Variants in KIAA1958 observed in about 807,000 individuals in gnomAD.
The protein encoded by KIAA1958 is KIAA1958.
KIAA1958 carries 14 observed loss-of-function variants against 47.2 expected under a neutral mutation model. The ratio of observed to expected loss-of-function variants is 0.30; its 90% CI spans 0.20 to 0.46. The LOEUF (loss-of-function observed/expected upper bound fraction) is 0.46, where lower values mean the gene tolerates loss of function less well. Ranked by LOEUF, KIAA1958 falls within the 20% of genes least tolerant of loss-of-function variation. The pLI, the probability that KIAA1958 is intolerant of heterozygous loss-of-function variation, is 1.00. For synonymous variants in KIAA1958, 354 were observed against 353.3 expected (o/e 1.00, Z -0.02); for missense variants, 803 against 909.2 (o/e 0.88, Z 1.50).
chr9:112,535,128 C>T (rs1276009126), intron 1 of KIAA1958, among the ~76,000 whole-genome samples: 5 of 152,150 alleles, frequency 3.3e-5, no homozygotes, highest in African/African-American at 1.2e-4. Context: ...AATCTCTCGG[C>T]AGTTTTCAAG....
In KIAA1958 at chr9:112,646,057, A is replaced by G. The variant is rs533151276; in HGVS notation, c.1344+235A>G. Among the ~76,000 whole-genome samples the G allele has an allele frequency of 3.3e-5, 5 of 151,384 alleles. No homozygotes were observed. The East Asian group carries it at 9.7e-4, about 29-fold the overall frequency. On this transcript the variant is annotated intron_variant, in intron 3 of 3. Transcript: ENST00000337530. ...AGGGCTAAATTAATTTCAATTTGGT[A>G]AAACTGGAGAGAGAATTGATATTTA...
rs150881604 is a variant in KIAA1958, at chr9:112,571,993, C to T, written c.-24-2064C>T. On this transcript the variant is annotated intron_variant, in intron 1 of 3. Coordinates refer to ENST00000337530, the MANE Select transcript of KIAA1958 (RefSeq NM_133465.4). Reference sequence around the variant, plus strand: ...AGAGTATGAAGGAAATGTAAGATCACGTAGTCCTGGCATTGTAGGCTTAGA... The same window carrying T: ...AGAGTATGAAGGAAATGTAAGATCATGTAGTCCTGGCATTGTAGGCTTAGA... Among the ~76,000 whole-genome samples the T allele has an allele frequency of 3.7e-3, 549 of 150,374 alleles. 4 individuals are homozygous for T. The highest frequency in any genetic ancestry group is 0.013 in the African/African-American group (516 of 40,836).
Position 112,576,913 on chromosome 9 carries a change from C to T in KIAA1958, c.1171+1662C>T, listed in dbSNP as rs192844383. Among the ~76,000 whole-genome samples, 151 of 152,176 alleles carry T rather than the reference C, an allele frequency of 9.9e-4. 2 individuals carry two copies. The highest frequency in any genetic ancestry group is 9.9e-3 in the Admixed American group (151 of 15,280). On this transcript the variant is annotated intron_variant, in intron 2 of 3. Transcript: ENST00000337530. ...ACTTTGTATTTAACTTTTTGAGGAG[C>T]TGTCAAACTGTTTTCCCAAGCAGCT...
intron 2 of KIAA1958, among the ~76,000 whole-genome samples, chr9:112,609,372 G>A (rs113140016): frequency 0.017 from 2,647 of 152,190 alleles, 71 homozygotes; most frequent in African/African-American, 0.061. Context: ...TAAAATACTA[G>A]TATAGTTTAA....
Position 112,660,093 on chromosome 9 carries a change from G to A in KIAA1958, c.*24G>A. The A allele has an allele frequency of 6.2e-7, 1 of 1,601,758 alleles. No individual in the cohort carries two copies. The highest frequency in any genetic ancestry group is 8.5e-7 in the Non-Finnish European group (1 of 1,173,670). Reference sequence around the variant, plus strand: ...GAGCCCCCACTGGGGCCCGGCCACTGCCCTGTCACCTGCTCGGGCCAGCCA... The same window carrying A: ...GAGCCCCCACTGGGGCCCGGCCACTACCCTGTCACCTGCTCGGGCCAGCCA... On this transcript the variant is annotated 3_prime_UTR_variant, in exon 4 of 4. Transcript: ENST00000337530.
intron 1 of KIAA1958, among the ~76,000 whole-genome samples, chr9:112,558,528 G>A (rs1835279771): frequency 6.6e-6 from 1 of 152,088 alleles, no homozygotes; most frequent in Non-Finnish European, 1.5e-5. Flanking sequence ...TAGAATGAGT[G>A]GTATGGCCCC....
At position 112,618,636 on chromosome 9, in the gene KIAA1958, T is replaced by A; in HGVS notation, c.1172-27014T>A. On this transcript the variant is annotated intron_variant, in intron 2 of 3. Coordinates refer to ENST00000337530, the MANE Select transcript of KIAA1958 (RefSeq NM_133465.4). This position sits in a 1 kb window ranked among gnomAD's most constrained non-coding sequence, Gnocchi z 7.1. ...TTCTACTTATCCATCAAGCCAGTCG[T>A]GAACCTGGCGGCTCTGCATTGGTAC... is the stretch of plus-strand genomic sequence containing the variant. 3 of 1,550,714 alleles carry A rather than the reference T, an allele frequency of 1.9e-6. No individual in the cohort carries two copies. Among genetic ancestry groups the A allele is most frequent in the East Asian group, 2.4e-5 (1 of 40,926 alleles).
chr9:112,647,170 C>CA lies in KIAA1958; in HGVS notation c.1344+1360dup, dbSNP rs202239882. Among the ~76,000 whole-genome samples the CA allele has an allele frequency of 4.3e-3, 574 of 134,220 alleles. 1 individual carries two copies. Among genetic ancestry groups the CA allele is most frequent in the African/African-American group, 0.012 (454 of 36,686 alleles). 88.1% of individuals were successfully genotyped at this position (134,220 alleles called of 152,430 possible). A position where few individuals can be genotyped will look rare whatever the true frequency, so the allele number is the denominator to read the frequency against. The stretch of plus-strand genomic sequence containing the variant: ...GAAGACAGGGAAACATCCATGGGAC[C>CA]AAAAAAAAAAAAGTGCAACAGAAGC... On this transcript the variant is annotated intron_variant, in intron 3 of 3. Coordinates refer to ENST00000337530, the MANE Select transcript of KIAA1958 (RefSeq NM_133465.4).
chr9:112,613,627 A>G (rs1181477800), intron 2 of KIAA1958, among the ~76,000 whole-genome samples: 2 of 138,188 alleles, frequency 1.4e-5, no homozygotes, highest in Non-Finnish European at 3.2e-5. Flanking sequence ...CCTTCTACAA[A>G]CAGAAAAAAG....
At chr9:112,531,814 A>G (rs1393275386) in intron 1 of KIAA1958, among the ~76,000 whole-genome samples, 2 of 152,254 alleles carry the variant, frequency 1.3e-5, no homozygotes, top group African/African-American at 4.8e-5. Context: ...CACTTTATCC[A>G]CACGAATGGA....
intron 1 of KIAA1958, among the ~76,000 whole-genome samples, chr9:112,520,323 A>G (rs1834516751): frequency 1.3e-5 from 2 of 152,342 alleles, no homozygotes; most frequent in South Asian, 4.1e-4. Context: ...TCAAATAACT[A>G]GAGGCCAAAT....
rs1234896879 is a variant in KIAA1958, at chr9:112,668,062, C to T, written c.*7993C>T. ...CATCATGTTTCTTCATTTTTATTACCGAAATAATGTATAAATTGCTCTTGA... is the reference window on the plus strand; with the variant it reads ...CATCATGTTTCTTCATTTTTATTACTGAAATAATGTATAAATTGCTCTTGA... On this transcript the variant is annotated 3_prime_UTR_variant, in exon 4 of 4. Transcript: ENST00000337530. 1.7e-5 allele frequency: 1 copy of T among 60,066 alleles called. No homozygotes were observed. The allele number at this position is 60,066 out of a possible 1,614,324, so 3.7% of individuals were successfully genotyped here.
chr9:112,644,386 T>C (rs1836943096), intron 2 of KIAA1958, among the ~76,000 whole-genome samples: 1 of 152,160 alleles, frequency 6.6e-6, no homozygotes, highest in African/African-American at 2.4e-5. Context: ...TTCACCTTGG[T>C]CATTGCATTA....
At chr9:112,495,018 A>G (rs1268574861) in intron 1 of KIAA1958, among the ~76,000 whole-genome samples, 3 of 151,366 alleles carry the variant, frequency 2.0e-5, no homozygotes, top group Admixed American at 6.6e-5. Flanking sequence ...TTCAAGGCTC[A>G]AGGGATTCAC....
chr9:112,637,012 A>AC (rs1402800547), intron 2 of KIAA1958, among the ~76,000 whole-genome samples: 1 of 152,176 alleles, frequency 6.6e-6, no homozygotes, highest in Non-Finnish European at 1.5e-5. Flanking sequence ...TTATAGTGTT[A>AC]CCATACAGAT....
At position 112,641,822 on chromosome 9, in the gene KIAA1958, T is replaced by G. The variant is rs141960866; in HGVS notation, c.1172-3828T>G. On this transcript the variant is annotated intron_variant, in intron 2 of 3. Transcript: ENST00000337530. ...TTTAAAATATATTTTTTCAATCATC[T>G]TAAATTTCCAGGATCTTTCTTGTTT... Among the ~76,000 whole-genome samples the G allele has an allele frequency of 7.1e-4, 108 of 152,328 alleles. 1 individual carries two copies. Among genetic ancestry groups the G allele is most frequent in the African/African-American group, 2.5e-3 (106 of 41,572 alleles).
chr9:112,596,459 A>G (rs1836034784), intron 2 of KIAA1958, among the ~76,000 whole-genome samples: 3 of 152,178 alleles, frequency 2.0e-5, no homozygotes, highest in Admixed American at 2.0e-4. Context: ...TATGGAAGGC[A>G]ACCATCTCAT....
At chr9:112,634,550 G>C (rs1224662047) in intron 2 of KIAA1958, among the ~76,000 whole-genome samples, 2 of 151,974 alleles carry the variant, frequency 1.3e-5, no homozygotes, top group African/African-American at 4.8e-5. Flanking sequence ...ATTTTTAATT[G>C]GACTATCTCC....
At chr9:112,517,537 A>G (rs188765667) in intron 1 of KIAA1958, among the ~76,000 whole-genome samples, 2 of 152,350 alleles carry the variant, frequency 1.3e-5, no homozygotes, top group East Asian at 3.9e-4. Flanking sequence ...GGATTATGCA[A>G]TGATTTCTTA....
Sources: allele counts gnomAD v4.1 joint callset (sites outside exome capture counted in the v4.1 genomes callset), GRCh38; gene constraint gnomAD v4.1.1; non-coding constraint Gnocchi (gnomAD v3.1); transcripts MANE v1.5; gene names NCBI Gene and HGNC (gene_info 2026-07-23, HGNC 2026-07-21).